Variants in PTPRD observed in about 807,000 individuals in gnomAD.
The protein encoded by PTPRD is protein tyrosine phosphatase receptor type D, also known as receptor-type tyrosine-protein phosphatase delta.
Under a neutral mutation model 214.5 loss-of-function variants are expected in PTPRD, and 34 were observed. That is an observed-to-expected ratio of 0.16 (90% CI 0.12 to 0.21). PTPRD has a LOEUF of 0.21. PTPRD is among the 10% of genes least tolerant of loss of function. The pLI, the probability that PTPRD is intolerant of heterozygous loss-of-function variation, is 1.00. For synonymous variants in PTPRD, 1,128 were observed against 845.7 expected (o/e 1.33, Z -5.79); for missense variants, 2,545 against 2,398.7 (o/e 1.06, Z -1.27).
intron 44 of PTPRD, among the ~76,000 whole-genome samples, chr9:8,322,510 C>T (rs542127862): frequency 2.0e-5 from 3 of 152,280 alleles, no homozygotes; most frequent in South Asian, 4.1e-4. Flanking sequence ...AAATCAAAGC[C>T]TAGGCCAGAG....
chr9:9,357,494 C>T (rs992836071), intron 9 of PTPRD, among the ~76,000 whole-genome samples: 6 of 151,084 alleles, frequency 4.0e-5, no homozygotes, highest in South Asian at 2.1e-4. Context: ...TGGCGTTAGT[C>T]ACTATGCCTG....
chr9:9,514,412 A>C (rs762329548), intron 8 of PTPRD, among the ~76,000 whole-genome samples: 33 of 152,150 alleles, frequency 2.2e-4, no homozygotes, highest in Non-Finnish European at 4.7e-4. Flanking sequence ...AACACTAAAC[A>C]GAAAGATGAA....
rs534927594 is a variant in PTPRD at position 9,864,986 on chromosome 9, T to C, written c.-368+73521A>G. On this transcript the variant is annotated intron_variant, in intron 5 of 45. Transcript: ENST00000381196. ...GGTGTATATTATAGATTCTATTAAA[T>C]AGATTATCTCTATATTAAAACATAA... Among the ~76,000 whole-genome samples, 6 of 152,296 alleles carry C rather than the reference T, an allele frequency of 3.9e-5. No individual in the cohort carries two copies. In the South Asian group the frequency reaches 1.0e-3, roughly 26 times the overall value.
intron 12 of PTPRD, 76 bp from the exon 13 acceptor site, chr9:8,636,920 C>T (rs2096454182): frequency 2.1e-6 from 3 of 1,452,428 alleles, no homozygotes; most frequent in Admixed American, 1.8e-5. Flanking sequence ...GCTGCTCTCC[C>T]CACCATCCTC....
At chr9:10,300,402 G>C (rs182137149) in intron 3 of PTPRD, among the ~76,000 whole-genome samples, 1 of 152,140 alleles carries the variant, frequency 6.6e-6, no homozygotes, top group African/African-American at 2.4e-5. Flanking sequence ...TGGAATGCCA[G>C]CAAGACAGAA....
chr9:9,729,541 C>A (rs555409056), intron 7 of PTPRD, among the ~76,000 whole-genome samples: 1 of 152,142 alleles, frequency 6.6e-6, no homozygotes, highest in African/African-American at 2.4e-5. Context: ...GTATCACTCT[C>A]ACCATCCTTA....
chr9:9,503,999 C>A (rs370587832), intron 8 of PTPRD, among the ~76,000 whole-genome samples: 1 of 151,730 alleles, frequency 6.6e-6, no homozygotes, highest in Non-Finnish European at 1.5e-5. Context: ...TAATCCTTCT[C>A]ATTATTCCTT....
chr9:8,640,919 T>C (rs1300959584), intron 12 of PTPRD, among the ~76,000 whole-genome samples: 1 of 133,502 alleles, frequency 7.5e-6, no homozygotes, highest in Non-Finnish European at 1.5e-5. Context: ...GGTCAAACTC[T>C]CAGATGGTGT....
chr9:9,854,981 T>G (rs1228492048), intron 5 of PTPRD, among the ~76,000 whole-genome samples: 1 of 152,154 alleles, frequency 6.6e-6, no homozygotes, highest in Admixed American at 6.5e-5. Context: ...ATACATTATT[T>G]TGTCAAATGG....
chr9:8,934,464 AATATATATATAT>A (rs375805962), intron 11 of PTPRD, among the ~76,000 whole-genome samples: 177 of 11,090 alleles, frequency 0.016, 14 homozygotes, highest in African/African-American at 0.045. Context: ...TATATATATA[AATATATATATAT>A]AAATATATAT....
intron 2 of PTPRD, among the ~76,000 whole-genome samples, chr9:10,406,589 G>A (rs547269309): frequency 5.3e-5 from 8 of 151,624 alleles, no homozygotes; most frequent in African/African-American, 1.9e-4. Flanking sequence ...CAAAATATCT[G>A]CAACCAACAT....
chr9:9,671,145 G>A (rs2096825272), intron 7 of PTPRD, among the ~76,000 whole-genome samples: 1 of 152,124 alleles, frequency 6.6e-6, no homozygotes, highest in Non-Finnish European at 1.5e-5. Flanking sequence ...CCAAGACCAT[G>A]GGAAGCCACC....
intron 9 of PTPRD, among the ~76,000 whole-genome samples, chr9:9,337,568 A>G (rs968331314): frequency 6.6e-6 from 1 of 152,140 alleles, no homozygotes; most frequent in East Asian, 1.9e-4. Flanking sequence ...AGTCTCTGAG[A>G]ATTTGCTTAA....
chr9:10,427,344 TG>T (rs1290603197), intron 2 of PTPRD, among the ~76,000 whole-genome samples: 1 of 152,058 alleles, frequency 6.6e-6, no homozygotes, highest in Non-Finnish European at 1.5e-5. Context: ...TAACAAACAT[TG>T]TCAAGAAAAA....
intron 2 of PTPRD, among the ~76,000 whole-genome samples, chr9:10,567,685 T>C (rs1000437231): frequency 6.6e-6 from 1 of 151,932 alleles, no homozygotes; most frequent in Non-Finnish European, 1.5e-5. Context: ...TAAATACACA[T>C]TGTTTTAAAA....
intron 6 of PTPRD, among the ~76,000 whole-genome samples, chr9:9,754,855 A>G (rs1290622435): frequency 6.6e-6 from 1 of 152,074 alleles, no homozygotes; most frequent in Non-Finnish European, 1.5e-5. Flanking sequence ...CACATCTTCA[A>G]TAAAAGGTGC....
chr9:10,399,819 A>G (rs1170458128), intron 2 of PTPRD, among the ~76,000 whole-genome samples: 3 of 151,884 alleles, frequency 2.0e-5, no homozygotes, highest in African/African-American at 7.2e-5. Flanking sequence ...GTGCTTCTAG[A>G]GTGAAACCTA....
intron 8 of PTPRD, among the ~76,000 whole-genome samples, chr9:9,419,745 G>C (rs1415037586): frequency 6.6e-6 from 1 of 151,598 alleles, no homozygotes; most frequent in Non-Finnish European, 1.5e-5. Context: ...TCATTATTGT[G>C]TTCATTAACA....
chr9:8,670,567 A>G (rs1378601862), intron 12 of PTPRD, among the ~76,000 whole-genome samples: 2 of 152,198 alleles, frequency 1.3e-5, no homozygotes, highest in Non-Finnish European at 2.9e-5. Context: ...TATGCTATCT[A>G]TATGTTTCTA....
Sources: allele counts gnomAD v4.1 joint callset (sites outside exome capture counted in the v4.1 genomes callset), GRCh38; gene constraint gnomAD v4.1.1; transcripts MANE v1.5; gene names NCBI Gene and HGNC (gene_info 2026-07-23, HGNC 2026-07-21).